CACNA2D1: variants seen among roughly 807,000 people sequenced by gnomAD.
The protein encoded by CACNA2D1 is calcium voltage-gated channel auxiliary subunit alpha2delta 1, also known as voltage-dependent calcium channel subunit alpha-2/delta-1.
In CACNA2D1, 53 loss-of-function variants were observed where a neutral mutation model predicts 171.5. That is an observed-to-expected ratio of 0.31 (90% CI 0.25 to 0.39). CACNA2D1 has a LOEUF of 0.39. Among genes scored for constraint, CACNA2D1 ranks in the 10% least tolerant of loss-of-function variants. The pLI, the probability that CACNA2D1 is intolerant of heterozygous loss-of-function variation, is 1.00. For synonymous variants in CACNA2D1, 442 were observed against 443.1 expected (o/e 1.00, Z 0.03); for missense variants, 903 against 1,299.8 (o/e 0.69, Z 4.69).
chr7:82,293,058 T>G (rs950509452), intron 3 of CACNA2D1, among the ~76,000 whole-genome samples: 1 of 152,078 alleles, frequency 6.6e-6, no homozygotes, highest in African/African-American at 2.4e-5. Flanking sequence ...TCTTCTATTT[T>G]TTATTTCTTT....
chr7:81,960,144 A>G (rs1177627474), intron 36 of CACNA2D1, among the ~76,000 whole-genome samples: 2 of 152,098 alleles, frequency 1.3e-5, no homozygotes, highest in Admixed American at 1.3e-4. Context: ...TTCTTTACAC[A>G]TACAAAGAAT....
intron 38 of CACNA2D1, among the ~76,000 whole-genome samples, chr7:81,956,073 C>CACCTCCTAG (rs1793297744): frequency 6.8e-6 from 1 of 147,180 alleles, no homozygotes; most frequent in Non-Finnish European, 1.5e-5. Flanking sequence ...CTGCAACTTC[C>CACCTCCTAG]ACCTCCTAGG....
intron 29 of CACNA2D1, among the ~76,000 whole-genome samples, chr7:81,968,399 T>C (rs1794928753): frequency 6.6e-6 from 1 of 151,490 alleles, no homozygotes; most frequent in Non-Finnish European, 1.5e-5. Flanking sequence ...CTATATATTT[T>C]ATAGCAAGTT....
intron 38 of CACNA2D1, among the ~76,000 whole-genome samples, chr7:81,951,655 C>T (rs903130609): frequency 6.6e-6 from 1 of 152,064 alleles, no homozygotes; most frequent in African/African-American, 2.4e-5. Context: ...ATCTAGGTTG[C>T]TGCAAATGCC....
intron 5 of CACNA2D1, among the ~76,000 whole-genome samples, chr7:82,127,944 G>A (rs1790525014): frequency 6.6e-6 from 1 of 151,860 alleles, no homozygotes; most frequent in Non-Finnish European, 1.5e-5. Flanking sequence ...GTTTGTTTTT[G>A]AGACAGGGTC....
chr7:82,197,184 C>T (rs908113535), intron 3 of CACNA2D1, among the ~76,000 whole-genome samples: 4 of 151,694 alleles, frequency 2.6e-5, no homozygotes, highest in African/African-American at 9.7e-5. Context: ...CTAAAGATTA[C>T]TTAATTAGGA....
At chr7:81,971,961 A>T (rs1651680956) in intron 25 of CACNA2D1, 97 bp from the exon 26 acceptor site, 3 of 766,194 alleles carry the variant, frequency 3.9e-6, no homozygotes, top group Non-Finnish European at 6.9e-6. Flanking sequence ...TTTAGAGTAG[A>T]TATTTCTATG....
At chr7:82,208,355 G>C (rs915770385) in intron 3 of CACNA2D1, among the ~76,000 whole-genome samples, 1 of 152,002 alleles carries the variant, frequency 6.6e-6, no homozygotes, top group Non-Finnish European at 1.5e-5. Flanking sequence ...TTGTCAGAAA[G>C]CTATAGAATT....
chr7:82,267,820 C>T (rs1257668142), intron 3 of CACNA2D1, among the ~76,000 whole-genome samples: 6 of 152,120 alleles, frequency 3.9e-5, no homozygotes, highest in Admixed American at 3.9e-4. Flanking sequence ...CGGTGAAACC[C>T]CGTCTCTACT....
intron 3 of CACNA2D1, among the ~76,000 whole-genome samples, chr7:82,255,624 G>C (rs1172081202): frequency 6.6e-6 from 1 of 152,098 alleles, no homozygotes; most frequent in African/African-American, 2.4e-5. Flanking sequence ...AATTGTTTTT[G>C]AGCCTGGAAT....
Position 82,092,540 on chromosome 7 carries a change from C to CT in CACNA2D1, c.527-7641dup, listed in dbSNP as rs71093360. ...GGCACCCACCACCACGCCCAGCTAA[C>CT]TTTTTTTTTTTTTTTTTTTTTTTTT... On this transcript the variant is annotated intron_variant, in intron 6 of 38. Coordinates refer to ENST00000356860, the MANE Select transcript of CACNA2D1 (RefSeq NM_000722.4). Among the ~76,000 whole-genome samples the CT allele has an allele frequency of 2.0e-3, 201 of 102,662 alleles. 3 individuals carry two copies. Among genetic ancestry groups the CT allele is most frequent in the Non-Finnish European group, 2.5e-3 (139 of 55,892 alleles). 67.4% of individuals were successfully genotyped at this position (102,662 alleles called of 152,430 possible).
Position 81,974,537 on chromosome 7 carries a change from G to A in CACNA2D1, c.1971C>T (p.Asp657=). The change falls in exon 25 of 39, where the codon GAC becomes GAT. Residue 657 remains aspartate (D), a synonymous_variant. Transcript: ENST00000356860. ...TFIAPRDYCN[D]LKISDNNTEF... is the part of the protein sequence containing the mutation. ...CAGTGTTATTATCCGATATTTTCAGGTCATTGCAGTAATCTCTGAAAAAAA... is the reference window on the plus strand; with the variant it reads ...CAGTGTTATTATCCGATATTTTCAGATCATTGCAGTAATCTCTGAAAAAAA... 1 of 1,518,710 alleles carries A rather than the reference G, an allele frequency of 6.6e-7. No homozygotes were observed. Among genetic ancestry groups the A allele is most frequent in the African/African-American group, 1.4e-5 (1 of 72,730 alleles). 94.1% of individuals were successfully genotyped at this position (1,518,710 alleles called of 1,614,324 possible). A position where few individuals can be genotyped will look rare whatever the true frequency, so the allele number is the denominator to read the frequency against.
chr7:82,151,256 T>C (rs1220533026), intron 4 of CACNA2D1, among the ~76,000 whole-genome samples: 2 of 152,204 alleles, frequency 1.3e-5, no homozygotes, highest in Admixed American at 1.3e-4. Context: ...ATAGGAGTTA[T>C]TTTAATTTCA....
At chr7:82,367,260 T>C (rs554850611) in intron 1 of CACNA2D1, among the ~76,000 whole-genome samples, 9 of 152,108 alleles carry the variant, frequency 5.9e-5, no homozygotes, top group Non-Finnish European at 1.2e-4. Context: ...TGGTATCTCA[T>C]TGTGGTTTTG....
intron 3 of CACNA2D1, among the ~76,000 whole-genome samples, chr7:82,331,950 T>G (rs1817348354): frequency 6.6e-6 from 1 of 152,126 alleles, no homozygotes; most frequent in Admixed American, 6.5e-5. Flanking sequence ...TTTACTTAAA[T>G]AAAAAAGGGT....
intron 3 of CACNA2D1, among the ~76,000 whole-genome samples, chr7:82,254,775 A>G (rs1806093135): frequency 6.6e-6 from 1 of 152,178 alleles, no homozygotes; most frequent in Admixed American, 6.5e-5. Flanking sequence ...ATCTTCTGCT[A>G]TCATTCATCT....
chr7:82,431,815 G>C (rs770770198), intron 1 of CACNA2D1, among the ~76,000 whole-genome samples: 1 of 151,920 alleles, frequency 6.6e-6, no homozygotes, highest in Non-Finnish European at 1.5e-5. Flanking sequence ...GAGGTGGGTG[G>C]ATTACTGAGG....
intron 3 of CACNA2D1, among the ~76,000 whole-genome samples, chr7:82,186,099 T>G (rs1293918533): frequency 6.7e-6 from 1 of 149,032 alleles, no homozygotes; most frequent in Non-Finnish European, 1.5e-5. Context: ...GAGGCTGCAG[T>G]GGGACAAGTT....
rs146671622 is a variant in CACNA2D1, at chr7:82,296,048, G to C, written c.294+39087C>G. On this transcript the variant is annotated intron_variant, in intron 3 of 38. Transcript: ENST00000356860. ...ACCTCATGTTCTCACTCATAGATGGGAATTGAACAATGAGAACACATGGAC... is the reference window on the plus strand; with the variant it reads ...ACCTCATGTTCTCACTCATAGATGGCAATTGAACAATGAGAACACATGGAC... 9.2e-4 allele frequency among the ~76,000 whole-genome samples: 136 copies of C among 147,934 alleles called. 6 individuals carry two copies. The East Asian group carries it at 0.027, about 29-fold the overall frequency.
Sources: gnomAD v4.1 joint callset for allele counts (sites outside exome capture counted in the v4.1 genomes callset) on GRCh38, gnomAD v4.1.1 for gene constraint, MANE v1.5 for transcripts, NCBI Gene and HGNC (gene_info 2026-07-23, HGNC 2026-07-21) for gene names.